ITPK1: variants seen among roughly 807,000 people sequenced by gnomAD.
ITPK1 encodes the protein inositol 1,3,4-trisphosphate 5/6-kinase.
Under a neutral mutation model 45.3 loss-of-function variants are expected in ITPK1, and 21 were observed. That is an observed-to-expected ratio of 0.46 (90% CI 0.33 to 0.67). The LOEUF (loss-of-function observed/expected upper bound fraction) is 0.67. ITPK1 is among the 30% of genes least tolerant of loss of function. The probability of loss-of-function intolerance (pLI) is 0.02; values close to 1 mark genes in which losing one functional copy is unlikely to be tolerated. For synonymous variants in ITPK1, 258 were observed against 253.6 expected, an observed-to-expected ratio of 1.02 and a Z score of -0.16; for missense variants, 474 against 573.5, an observed-to-expected ratio of 0.83 and a Z score of 1.77.
At chr14:93,049,232 AAAGT>A (rs1407697941) in intron 3 of ITPK1, among the ~76,000 whole-genome samples, 1 of 152,138 alleles carries the variant, frequency 6.6e-6, no homozygotes, top group Non-Finnish European at 1.5e-5. Context: ...ACCTGGGGGG[AAAGT>A]CAGCAATACA....
chr14:92,949,494 G>A (rs921618612), intron 9 of ITPK1, among the ~76,000 whole-genome samples: 6 of 152,340 alleles, frequency 3.9e-5, no homozygotes, highest in African/African-American at 1.4e-4. Context: ...TGCAGCCCAA[G>A]GCCCTCACTG....
In ITPK1 at chr14:93,115,915, G is replaced by C. The variant is rs1892932873; in HGVS notation, c.-286C>G. The C allele has an allele frequency of 6.8e-6, 1 of 146,312 alleles. No homozygotes were observed. Among genetic ancestry groups the C allele is most frequent in the African/African-American group, 2.5e-5 (1 of 40,756 alleles). 9.1% of individuals were successfully genotyped at this position (146,312 alleles called of 1,614,324 possible). On this transcript the variant is annotated 5_prime_UTR_variant, in exon 1 of 11. Coordinates refer to ENST00000267615, the MANE Select transcript of ITPK1 (RefSeq NM_014216.6). The stretch of plus-strand genomic sequence containing the variant: ...CGGCCGCCCCGCTTGAGCCCGCGGC[G>C]GCGAGGAAGCGGCGGGGCGGCCGCC...
At chr14:93,046,370 T>C (rs1165695737) in intron 3 of ITPK1, among the ~76,000 whole-genome samples, 1 of 152,220 alleles carries the variant, frequency 6.6e-6, no homozygotes, top group Non-Finnish European at 1.5e-5. Context: ...CAGCAGGGTC[T>C]GCACAGGGTT....
chr14:93,041,409 G>T (rs560561007), intron 3 of ITPK1, among the ~76,000 whole-genome samples: 1 of 152,356 alleles, frequency 6.6e-6, no homozygotes, highest in Non-Finnish European at 1.5e-5. Context: ...GAGGCCCAGA[G>T]ACCAGCAGGT....
intron 3 of ITPK1, among the ~76,000 whole-genome samples, chr14:93,056,792 AAAG>A (rs1890231204): frequency 6.6e-6 from 1 of 152,276 alleles, no homozygotes; most frequent in Non-Finnish European, 1.5e-5. Context: ...TTCAACAAAT[AAAG>A]ATGTACTATA....
At chr14:93,113,885 T>C (rs1892840211) in intron 2 of ITPK1, among the ~76,000 whole-genome samples, 1 of 152,136 alleles carries the variant, frequency 6.6e-6, no homozygotes, top group Non-Finnish European at 1.5e-5. Flanking sequence ...CCTGCGGGGC[T>C]TGCACGGGGC....
intron 5 of ITPK1, among the ~76,000 whole-genome samples, chr14:92,985,640 G>A (rs575298799): frequency 3.3e-5 from 5 of 152,164 alleles, no homozygotes; most frequent in African/African-American, 2.4e-5. Flanking sequence ...GGGGCTGGGC[G>A]TTTGGGCAGA....
chr14:92,985,547 A>G (rs1310992168), intron 5 of ITPK1, among the ~76,000 whole-genome samples: 1 of 151,712 alleles, frequency 6.6e-6, no homozygotes, highest in Non-Finnish European at 1.5e-5. Context: ...GAGATTTTTA[A>G]AAGCCCGCTT....
chr14:93,017,653 C>T lies in ITPK1; in HGVS notation c.121-852G>A, dbSNP rs753523928. On this transcript the variant is annotated intron_variant, in intron 3 of 10. Coordinates refer to ENST00000267615, the MANE Select transcript of ITPK1 (RefSeq NM_014216.6). The stretch of plus-strand genomic sequence containing the variant: ...TGCAAGGCCAGTGCCTCGGAGGCAG[C>T]GGCGCCAGCCCGGCACCTGGCTGAC... 8.5e-5 allele frequency among the ~76,000 whole-genome samples: 13 copies of T among 152,348 alleles called. No homozygotes were observed. The South Asian group carries it at 1.0e-3, about 12-fold the overall frequency.
chr14:93,029,139 A>C (rs1162689309), intron 3 of ITPK1, among the ~76,000 whole-genome samples: 1 of 152,190 alleles, frequency 6.6e-6, no homozygotes, highest in Non-Finnish European at 1.5e-5. Flanking sequence ...GCATTTCCAT[A>C]ACCACCCTCC....
At chr14:92,965,149 G>A (rs1268634362) in intron 5 of ITPK1, among the ~76,000 whole-genome samples, 2 of 152,188 alleles carry the variant, frequency 1.3e-5, no homozygotes, top group African/African-American at 4.8e-5. Context: ...GGAGCTCCCT[G>A]GCTCAGGGGG....
At chr14:92,967,854 G>A (rs991195009) in intron 5 of ITPK1, among the ~76,000 whole-genome samples, 2 of 152,164 alleles carry the variant, frequency 1.3e-5, no homozygotes, top group African/African-American at 2.4e-5. Flanking sequence ...TCCAGAACAC[G>A]CACATCCATG....
chr14:92,987,810 C>T (rs1416333183), intron 5 of ITPK1, among the ~76,000 whole-genome samples: 7 of 152,198 alleles, frequency 4.6e-5, no homozygotes, highest in Non-Finnish European at 1.0e-4. Context: ...TCTGGGGCAC[C>T]ATTTCTTCCT....
chr14:93,030,899 A>T (rs1889012868), intron 3 of ITPK1, among the ~76,000 whole-genome samples: 1 of 152,162 alleles, frequency 6.6e-6, no homozygotes, highest in Non-Finnish European at 1.5e-5. Flanking sequence ...GACCCGCACA[A>T]AGGAGGAACA....
chr14:92,941,459 A>G lies in ITPK1; in HGVS notation c.*102T>C. ...TTAAAAATTAAAAAACAGAAGAATC[A>G]GATCACTGGGGATTCTTAGTAGTAG... On this transcript the variant is annotated 3_prime_UTR_variant, in exon 11 of 11. Coordinates refer to ENST00000267615, the MANE Select transcript of ITPK1 (RefSeq NM_014216.6). 2.1e-6 allele frequency: 3 copies of G among 1,430,590 alleles called. No individual in the cohort carries two copies. Among genetic ancestry groups the G allele is most frequent in the Non-Finnish European group, 2.7e-6 (3 of 1,099,456 alleles). The allele number at this position is 1,430,590 out of a possible 1,614,324, so 88.6% of individuals were successfully genotyped here.
chr14:93,016,945 G>T lies in ITPK1; in HGVS notation c.121-144C>A. 9.4e-7 allele frequency: 1 copy of T among 1,066,974 alleles called. No homozygotes were observed. The allele number at this position is 1,066,974 out of a possible 1,614,324, so 66.1% of individuals were successfully genotyped here. A position where few individuals can be genotyped will look rare whatever the true frequency, so the allele number is the denominator to read the frequency against. On this transcript the variant is annotated intron_variant, in intron 3 of 10. Coordinates refer to ENST00000267615, the MANE Select transcript of ITPK1 (RefSeq NM_014216.6). The surrounding 1 kb of genome is among the most constrained non-coding windows in gnomAD (Gnocchi z 5.0). Reference sequence around the variant, plus strand: ...CTGGAGATGGGGCAGGAGGAGGGCTGACATGGAAAATACAGACAGGACAAG... The same window carrying T: ...CTGGAGATGGGGCAGGAGGAGGGCTTACATGGAAAATACAGACAGGACAAG...
chr14:93,020,688 C>T (rs780181948), intron 3 of ITPK1, among the ~76,000 whole-genome samples: 2 of 152,172 alleles, frequency 1.3e-5, no homozygotes, highest in Non-Finnish European at 2.9e-5. Context: ...TCTTCCCCCA[C>T]GGTATCATAT....
intron 2 of ITPK1, among the ~76,000 whole-genome samples, chr14:93,095,233 C>A (rs935134364): frequency 1.3e-5 from 2 of 152,214 alleles, no homozygotes; most frequent in Admixed American, 1.3e-4. Flanking sequence ...CTGATTGGGG[C>A]CTACGATGAG....
chr14:92,956,988 G>A (rs189546744), intron 8 of ITPK1, among the ~76,000 whole-genome samples: 47 of 152,280 alleles, frequency 3.1e-4, no homozygotes, highest in African/African-American at 1.1e-3. Context: ...ACCTGCCCTC[G>A]GAGGAAAATG....
Sources: allele counts gnomAD v4.1 joint callset (sites outside exome capture counted in the v4.1 genomes callset), GRCh38; gene constraint gnomAD v4.1.1; non-coding constraint Gnocchi (gnomAD v3.1); transcripts MANE v1.5; gene names NCBI Gene and HGNC (gene_info 2026-07-23, HGNC 2026-07-21).